Variants in FGF13 observed in about 807,000 individuals in gnomAD.
FGF13 encodes the protein fibroblast growth factor 13, also known as fibroblast growth factor homologous factor 2.
FGF13 carries 2 observed loss-of-function variants against 19.5 expected under a neutral mutation model. The ratio of observed to expected loss-of-function variants is 0.10; its 90% CI spans 0.04 to 0.32. FGF13 has a LOEUF of 0.32. Among genes scored for constraint, FGF13 ranks in the 10% least tolerant of loss-of-function variants. The pLI is 1.00. For synonymous variants in FGF13, 72 were observed against 76.9 expected, an observed-to-expected ratio of 0.94 and a Z score of 0.33; for missense variants, 113 against 192.7, an observed-to-expected ratio of 0.59 and a Z score of 2.45.
chrX:138,714,421 A>C (rs1456767389), upstream of FGF13, among the ~76,000 whole-genome samples: 2 of 112,337 alleles, frequency 1.8e-5, no homozygotes, highest in Non-Finnish European at 3.8e-5. Flanking sequence ...TGAGGCAAGC[A>C]GATCACCTGA....
At chrX:138,660,323 A>G (rs2089478520) in intron 3 of FGF13, among the ~76,000 whole-genome samples, 1 of 111,693 alleles carries the variant, frequency 9.0e-6, no homozygotes, top group Admixed American at 9.5e-5. Context: ...TGGGTGGCAA[A>G]CAAGTCACAG....
At chrX:138,738,388 C>T (rs1350147736) in intron 1 of FGF13, among the ~76,000 whole-genome samples, 1 of 112,062 alleles carries the variant, frequency 8.9e-6, no homozygotes, top group African/African-American at 3.2e-5. Flanking sequence ...CATGAGGTTG[C>T]TTTATTCAGC....
intron 2 of FGF13, among the ~76,000 whole-genome samples, chrX:138,708,209 T>C (rs1271288161): frequency 8.9e-6 from 1 of 112,555 alleles, no homozygotes; most frequent in Non-Finnish European, 1.9e-5. Flanking sequence ...TTTCAGTAAT[T>C]GGAAATAAAA....
At chrX:139,147,200 AT>A (rs57801788) in intron 1 of FGF13, among the ~76,000 whole-genome samples, 2,093 of 109,332 alleles carry the variant, frequency 0.019, 37 homozygotes, top group East Asian at 0.098. Context: ...GAAATAAAAA[AT>A]TTAAAAACAA....
intron 1 of FGF13, among the ~76,000 whole-genome samples, chrX:139,093,646 C>A (rs2083452471): frequency 8.9e-6 from 1 of 111,826 alleles, no homozygotes; most frequent in Non-Finnish European, 1.9e-5. Flanking sequence ...TCTTCTTGGG[C>A]AGGACTACTA....
chrX:138,902,768 T>G (rs1205684885), intron 1 of FGF13, among the ~76,000 whole-genome samples: 1 of 111,939 alleles, frequency 8.9e-6, no homozygotes, highest in Non-Finnish European at 1.9e-5. Context: ...TATATATGTT[T>G]GCTAATGGCC....
chrX:139,050,531 G>T, intron 1 of FGF13, among the ~76,000 whole-genome samples: 1 of 111,810 alleles, frequency 8.9e-6, no homozygotes, highest in Non-Finnish European at 1.9e-5. Flanking sequence ...AGGGAATAAA[G>T]AGGCTGATAA....
At chrX:138,863,397 A>G (rs929565438) in intron 2 of FGF13, among the ~76,000 whole-genome samples, 6 of 111,378 alleles carry the variant, frequency 5.4e-5, no homozygotes, top group African/African-American at 2.0e-4. Context: ...CAATTTCCAC[A>G]TACGTTTTAA....
chrX:138,647,947 G>A (rs2089324864), intron 3 of FGF13, among the ~76,000 whole-genome samples: 1 of 112,034 alleles, frequency 8.9e-6, no homozygotes, highest in African/African-American at 3.2e-5. Context: ...AAAACTTAAG[G>A]TAATTATATA....
intron 1 of FGF13, among the ~76,000 whole-genome samples, chrX:138,737,073 A>T (rs2090281762): frequency 9.0e-6 from 1 of 111,541 alleles, no homozygotes; most frequent in Admixed American, 9.5e-5. Context: ...CTGGGCTGGG[A>T]AGGGTTACAC....
intron 1 of FGF13, among the ~76,000 whole-genome samples, chrX:138,942,512 T>A (rs755303016): frequency 8.9e-5 from 10 of 111,925 alleles, no homozygotes; most frequent in Admixed American, 2.8e-4. Flanking sequence ...GTCCAAGAAA[T>A]CTGGTCATTT....
At chrX:138,786,026 T>C (rs1408766448) in intron 3 of FGF13, among the ~76,000 whole-genome samples, 1 of 112,341 alleles carries the variant, frequency 8.9e-6, no homozygotes, top group Admixed American at 9.5e-5. Context: ...TTCTGTCTAC[T>C]TTTGTCAGTC....
upstream of FGF13, among the ~76,000 whole-genome samples, chrX:138,743,244 T>C (rs962184894): frequency 8.1e-5 from 9 of 111,314 alleles, no homozygotes; most frequent in African/African-American, 2.9e-4. Flanking sequence ...TGAAAATACA[T>C]AGAACTTTAA....
intron 1 of FGF13, among the ~76,000 whole-genome samples, chrX:139,084,943 T>C (rs890323563): frequency 4.5e-5 from 5 of 111,738 alleles, no homozygotes; most frequent in Non-Finnish European, 7.5e-5. Flanking sequence ...TGGCCCCTTT[T>C]GAACTTTCAT....
chrX:139,005,408 A>G (rs1333928275), intron 1 of FGF13, among the ~76,000 whole-genome samples: 1 of 111,436 alleles, frequency 9.0e-6, no homozygotes, highest in Admixed American at 9.5e-5. Context: ...CAAGGCTTAG[A>G]TCCTAATACT....
intron 3 of FGF13, among the ~76,000 whole-genome samples, chrX:138,754,505 T>A (rs1297049501): frequency 3.6e-5 from 4 of 110,842 alleles, no homozygotes; most frequent in Non-Finnish European, 7.6e-5. Context: ...CCATTGGGAA[T>A]CTTAATTTCC....
At chrX:138,696,921 G>A (rs748938226) in intron 3 of FGF13, among the ~76,000 whole-genome samples, 4 of 111,929 alleles carry the variant, frequency 3.6e-5, no homozygotes, top group Non-Finnish European at 5.6e-5. Flanking sequence ...AATGTAACGT[G>A]TTTAGAGGCA....
rs1024553582 is a variant in FGF13 at position 139,075,829 on chromosome X, T to G, written c.-113+127587A>C. 1.7e-4 allele frequency among the ~76,000 whole-genome samples: 6 copies of G among 35,994 alleles called. 2 individuals are homozygous for G. Among genetic ancestry groups the G allele is most frequent in the Admixed American group, 4.8e-4 (2 of 4,198 alleles). The allele number at this position is 35,994 out of a possible 115,157, so 31.3% of individuals were successfully genotyped here. A position where few individuals can be genotyped will look rare whatever the true frequency, so the allele number is the denominator to read the frequency against. On this transcript the variant is annotated intron_variant, in intron 1 of 2. Transcript: ENST00000421460. Reference sequence around the variant, plus strand: ...GTGTATGTGTGTCTGTGTATGTGTATTTCTTTTTTTTTTTTTTTTTTTTTG... The same window carrying G: ...GTGTATGTGTGTCTGTGTATGTGTAGTTCTTTTTTTTTTTTTTTTTTTTTG...
At chrX:138,846,741 G>A in intron 3 of FGF13, among the ~76,000 whole-genome samples, 1 of 112,396 alleles carries the variant, frequency 8.9e-6, no homozygotes, top group East Asian at 2.8e-4. Flanking sequence ...TAGGTGGAAA[G>A]GCACATTCCC....
Sources: allele counts gnomAD v4.1 joint callset (sites outside exome capture counted in the v4.1 genomes callset), GRCh38; gene constraint gnomAD v4.1.1; transcripts MANE v1.5; gene names NCBI Gene and HGNC (gene_info 2026-07-23, HGNC 2026-07-21).